Variants in HOOK2 observed in about 807,000 individuals in gnomAD.
HOOK2 encodes the protein hook microtubule tethering protein 2.
A neutral mutation model predicts 111.9 loss-of-function variants in HOOK2; 108 were observed. The observed-to-expected ratio is 0.96, with a 90% CI of 0.83 to 1.13. The LOEUF (loss-of-function observed/expected upper bound fraction) is 1.13, where lower values mean the gene tolerates loss of function less well. HOOK2 is among the 50% of genes most tolerant of loss of function. The pLI, the probability that HOOK2 is intolerant of heterozygous loss-of-function variation, is 0.00. For missense variants in HOOK2, 978 were observed against 951.3 expected (o/e 1.03, Z -0.37); for synonymous variants, 405 against 394.3 (o/e 1.03, Z -0.32).
At chr19:12,765,891 G>A (rs1210445531) in intron 16 of HOOK2, 36 bp downstream of exon 16, 60 of 1,612,658 alleles carry the variant, frequency 3.7e-5, no homozygotes, top group Non-Finnish European at 4.8e-5. Context: ...GGGGCACAAG[G>A]GAGGGCCAGG....
At chr19:12,779,704 G>T (rs909922485), upstream of HOOK2, among the ~76,000 whole-genome samples, 3 of 151,884 alleles carry the variant, frequency 2.0e-5, no homozygotes, top group South Asian at 2.1e-4. Flanking sequence ...GTGACTGTGT[G>T]TACACGGGCA....
intron 3 of HOOK2, among the ~76,000 whole-genome samples, chr19:12,785,253 CCA>C (rs368441982): frequency 1.5e-4 from 22 of 151,320 alleles, no homozygotes; most frequent in Non-Finnish European, 2.8e-4. Context: ...CACACAGAGA[CCA>C]CACACACACA....
Position 12,791,677 on chromosome 19 carries a change from C to G in HOOK2, n.42-17452G>C. 2.2e-6 allele frequency: 2 copies of G among 906,350 alleles called. No homozygotes were observed. The highest frequency in any genetic ancestry group is 4.1e-5 in the South Asian group (2 of 49,370). The allele number at this position is 906,350 out of a possible 1,614,324, so 56.1% of individuals were successfully genotyped here. Reference sequence around the variant, plus strand: ...CCCCGAGAACGCGCGACCAGGCACCCAGTCCGGTCACCGCAGCGGAGAGCT... The same window carrying G: ...CCCCGAGAACGCGCGACCAGGCACCGAGTCCGGTCACCGCAGCGGAGAGCT... On this transcript the variant is annotated intron_variant and non_coding_transcript_variant, in intron 3 of 3. Transcript: ENST00000589765. The surrounding 1 kb of genome is among the most constrained non-coding windows in gnomAD (Gnocchi z 7.0).
rs1968374749 is a variant in HOOK2 at position 12,772,772 on chromosome 19, C to T, written c.388+8G>A. 5 of 1,614,098 alleles carry T rather than the reference C, an allele frequency of 3.1e-6. No individual in the cohort carries two copies. Among genetic ancestry groups the T allele is most frequent in the Non-Finnish European group, 3.4e-6 (4 of 1,179,950 alleles). On this transcript the variant is annotated splice_region_variant and intron_variant, in intron 5 of 22. Coordinates refer to ENST00000397668, the MANE Select transcript of HOOK2 (RefSeq NM_013312.3). ...GCCAGCCCTGGGGACCCCCTAAGCT[C>T]CCCATACCCTGCTTTTTCTCGCAAC...
At chr19:12,780,979 A>G (rs1184705389), upstream of HOOK2, among the ~76,000 whole-genome samples, 1 of 141,576 alleles carries the variant, frequency 7.1e-6, no homozygotes. Context: ...CTCCGTCTCA[A>G]AAAATAATAA....
At chr19:12,777,645 C>G (rs1221395793), upstream of HOOK2, among the ~76,000 whole-genome samples, 1 of 152,244 alleles carries the variant, frequency 6.6e-6, no homozygotes, top group Non-Finnish European at 1.5e-5. Flanking sequence ...ACGATATTCC[C>G]CCCGCGCCTT....
rs746631235 is a variant in HOOK2, at chr19:12,772,602, C to T, written c.456+11G>A. ...ACATTTTCCAATTGCACACTGAGTG[C>T]CCCCACCCACCTCTTGGATGGCTTC... On this transcript the variant is annotated intron_variant, in intron 6 of 22. Transcript: ENST00000397668. The T allele has an allele frequency of 3.1e-6, 5 of 1,613,304 alleles. No individual in the cohort carries two copies. The highest frequency in any genetic ancestry group is 4.2e-6 in the Non-Finnish European group (5 of 1,179,548).
Position 12,774,719 on chromosome 19 carries a change from C to A in HOOK2, c.154G>T (p.Ala52Ser). The A allele has an allele frequency of 6.2e-7, 1 of 1,614,172 alleles. No individual in the cohort carries two copies. The highest frequency in any genetic ancestry group is 8.5e-7 in the Non-Finnish European group (1 of 1,180,008). Reference sequence around the variant, plus strand: ...TCTTCCGAGATGCCCTGGAGCCATGCCTCGTTGAACCAGGAGGGGTCTCTG... The same window carrying A: ...TCTTCCGAGATGCCCTGGAGCCATGACTCGTTGAACCAGGAGGGGTCTCTG... Reference protein sequence around the residue: ...NQIDPSWFNEAWLQGISEDPG... With the variant: ...NQIDPSWFNESWLQGISEDPG... The change falls in exon 3 of 23, where the codon GCA becomes TCA. Residue 52 changes from alanine (A) to serine (S), a missense_variant. Transcript: ENST00000397668.
intron 3 of HOOK2, 128 bp from the exon 4 acceptor site, chr19:12,773,172 C>T (rs560811448): frequency 4.8e-6 from 4 of 840,462 alleles, no homozygotes. Context: ...CGTGCGCCTT[C>T]CTCTAGGGGT....
Position 12,766,087 on chromosome 19 carries a change from G to C in HOOK2, c.1511+16C>G. The C allele has an allele frequency of 6.2e-7, 1 of 1,602,336 alleles. No individual in the cohort carries two copies. Among genetic ancestry groups the C allele is most frequent in the Non-Finnish European group, 8.5e-7 (1 of 1,177,042 alleles). On this transcript the variant is annotated intron_variant, in intron 15 of 22. Coordinates refer to ENST00000397668, the MANE Select transcript of HOOK2 (RefSeq NM_013312.3). The stretch of plus-strand genomic sequence containing the variant: ...CTCTGTCCCTGCTCCGCGCAGGTAG[G>C]TCCCCAGGCGCTCACCGGTGCTGCG...
intron 18 of HOOK2, 163 bp from the exon 19 acceptor site, chr19:12,765,244 C>A: frequency 2.9e-6 from 2 of 680,210 alleles, no homozygotes. Context: ...CTGGTCCCAC[C>A]GGCTCCACAG....
rs746631235 is a variant in HOOK2 at position 12,772,602 on chromosome 19, C to A, written c.456+11G>T. 1 of 1,613,308 alleles carries A rather than the reference C, an allele frequency of 6.2e-7. No homozygotes were observed. The highest frequency in any genetic ancestry group is 1.1e-5 in the South Asian group (1 of 91,000). On this transcript the variant is annotated intron_variant, in intron 6 of 22. Coordinates refer to ENST00000397668, the MANE Select transcript of HOOK2 (RefSeq NM_013312.3). ...ACATTTTCCAATTGCACACTGAGTGCCCCCACCCACCTCTTGGATGGCTTC... is the reference window on the plus strand; with the variant it reads ...ACATTTTCCAATTGCACACTGAGTGACCCCACCCACCTCTTGGATGGCTTC...
intron 20 of HOOK2, 92 bp from the exon 21 acceptor site, chr19:12,763,870 A>C (rs1353333275): frequency 5.8e-6 from 5 of 855,312 alleles, no homozygotes; most frequent in Non-Finnish European, 9.3e-6. Context: ...TCTTTCATTC[A>C]TTATAGAGAC....
At position 12,763,684 on chromosome 19, in the gene HOOK2, C is replaced by G. The variant is rs752054044; in HGVS notation, c.1922G>C (p.Arg641Pro). 4.3e-6 allele frequency: 7 copies of G among 1,614,146 alleles called. No individual in the cohort carries two copies. The highest frequency in any genetic ancestry group is 5.9e-6 in the Non-Finnish European group (7 of 1,179,966). The change falls in exon 21 of 23, where the codon CGC (arginine) becomes CCC (proline). Residue 641 changes from arginine to proline, a missense_variant. Transcript: ENST00000397668. The stretch of plus-strand genomic sequence containing the variant: ...GACACCCACCTCCAGGTGTCGGATG[C>G]GGACATCCCGTTCTCGGAGCTGTGT... The part of the protein sequence containing the change: ...LRTQLRERDV[R>P]IRHLEMDFEK...
intron 12 of HOOK2, 40 bp downstream of exon 12, chr19:12,767,973 T>A (rs1436717419): frequency 3.7e-6 from 6 of 1,611,474 alleles, no homozygotes; most frequent in Non-Finnish European, 5.1e-6. Flanking sequence ...TACCCCAGAA[T>A]TGGCAGGGTG....
At chr19:12,775,640 A>C (rs972627924), upstream of HOOK2, 44 of 418,476 alleles carry the variant, frequency 1.1e-4, no homozygotes, top group Middle Eastern at 6.8e-4. Flanking sequence ...TCTCCTCCCT[A>C]CGCCCGCTCT....
rs1447245881 is a variant in HOOK2, at chr19:12,790,023, C to T, written n.42-15798G>A. Among the ~76,000 whole-genome samples the T allele has an allele frequency of 5.3e-5, 8 of 152,166 alleles. No individual in the cohort carries two copies. The highest frequency in any genetic ancestry group is 1.0e-4 in the Non-Finnish European group (7 of 68,008). ...CTGCCCGCGGACTCCCGCCTGTTGC[C>T]ATGGCGACCAGGCCCCGCTCCTCGG... On this transcript the variant is annotated intron_variant and non_coding_transcript_variant, in intron 3 of 3. Coordinates refer to the HOOK2 transcript ENST00000589765. This position sits in a 1 kb window ranked among gnomAD's most constrained non-coding sequence, Gnocchi z 7.2.
chr19:12,790,802 C>CAG lies in HOOK2; in HGVS notation n.42-16578_42-16577insCT, dbSNP rs1968704954. On this transcript the variant is annotated intron_variant and non_coding_transcript_variant, in intron 3 of 3. Transcript: ENST00000589765. The surrounding 1 kb of genome is among the most constrained non-coding windows in gnomAD (Gnocchi z 7.2). Reference sequence around the variant, plus strand: ...TGCATATCTAGACTTCCCCTAATGCCTCCTTCCCGCTTACGGGAGAGCCTC... The same window carrying CAG: ...TGCATATCTAGACTTCCCCTAATGCCAGTCCTTCCCGCTTACGGGAGAGCCTC... 6.6e-6 allele frequency among the ~76,000 whole-genome samples: 1 copy of CAG among 152,186 alleles called. No homozygotes were observed. Among genetic ancestry groups the CAG allele is most frequent in the South Asian group, 2.1e-4 (1 of 4,828 alleles).
At position 12,764,854 on chromosome 19, in the gene HOOK2, A is replaced by G. The variant is rs1167568835; in HGVS notation, c.1787T>C (p.Met596Thr). ...LQKKDADLRA[M>T]EERYRRYVDK... ...CACGTAGCGGCGGTATCGCTCCTCC[A>G]TGGCCCGCAAGTCCGCGTCCTTCTT... The change falls in exon 20 of 23, where the codon ATG becomes ACG. Residue 596 changes from methionine (M) to threonine (T), a missense_variant. Physicochemically the swap from Met to Thr is moderately conservative, Grantham distance 81 (BLOSUM62 -1). Coordinates refer to ENST00000397668, the MANE Select transcript of HOOK2 (RefSeq NM_013312.3). 10 of 1,614,018 alleles carry G rather than the reference A, an allele frequency of 6.2e-6. No homozygotes were observed. The East Asian group carries it at 2.0e-4, about 32-fold the overall frequency.
Sources: allele counts gnomAD v4.1 joint callset (sites outside exome capture counted in the v4.1 genomes callset), GRCh38; gene constraint gnomAD v4.1.1; non-coding constraint Gnocchi (gnomAD v3.1); transcripts MANE v1.5; gene names NCBI Gene and HGNC (gene_info 2026-07-23, HGNC 2026-07-21).